Variants in JUP observed in about 807,000 individuals in gnomAD.
JUP encodes the protein junction plakoglobin, also known as catenin (cadherin-associated protein), gamma 80kDa.
Under a neutral mutation model 71.1 loss-of-function variants are expected in JUP, and 28 were observed. That is an observed-to-expected ratio of 0.39 (90% CI 0.29 to 0.54). The LOEUF (loss-of-function observed/expected upper bound fraction) is 0.54, where lower values mean the gene tolerates loss of function less well. JUP is among the 20% of genes least tolerant of loss of function. JUP has a pLI of 0.62. For missense variants in JUP, 869 were observed against 1,030.1 expected, an observed-to-expected ratio of 0.84 and a Z score of 2.14; for synonymous variants, 401 against 438.9, an observed-to-expected ratio of 0.91 and a Z score of 1.08.
intron 7 of JUP, 35 bp downstream of exon 7, chr17:41,764,677 GA>G: frequency 6.4e-7 from 1 of 1,566,844 alleles, no homozygotes; most frequent in South Asian, 1.1e-5. Flanking sequence ...TGGGGCAGCT[GA>G]AGAGGTCAAC....
intron 7 of JUP, among the ~76,000 whole-genome samples, chr17:41,764,308 G>A (rs1915338436): frequency 6.6e-6 from 1 of 152,166 alleles, no homozygotes; most frequent in Non-Finnish European, 1.5e-5. Flanking sequence ...GCCAAGGCGG[G>A]TGGATCACCT....
intron 2 of JUP, among the ~76,000 whole-genome samples, chr17:41,771,220 C>T (rs572389371): frequency 8.5e-5 from 13 of 152,132 alleles, no homozygotes; most frequent in Non-Finnish European, 1.6e-4. Flanking sequence ...TTAGTAGAGA[C>T]GGGGTTTCAT....
chr17:41,771,657 G>A lies in JUP; in HGVS notation c.198C>T (p.Pro66=). Residue 66 remains proline, a synonymous_variant, in exon 2 of 14, where the codon CCC becomes CCT. Transcript: ENST00000393931. ...CCCAGGGGTCCTGACCTTGGCTGGG[G>A]GGCACCCCCTGGGTGTAAGTGGTGG... ...KKTTTYTQGV[P]PSQGDLEYQM... is the part of the protein sequence containing the mutation. 1 of 1,613,264 alleles carries A rather than the reference G, an allele frequency of 6.2e-7. No individual in the cohort carries two copies. Among genetic ancestry groups the A allele is most frequent in the African/African-American group, 1.3e-5 (1 of 75,024 alleles).
chr17:41,772,065 A>G lies in JUP; in HGVS notation c.-8-203T>C, dbSNP rs926623227. ...GCTGCCCACGACGAGATACCCTGGG[A>G]GCAGTGAGCCCCAGGGGTGCGGCTG... On this transcript the variant is annotated intron_variant, in intron 1 of 13. Coordinates refer to ENST00000393931, the MANE Select transcript of JUP (RefSeq NM_002230.4). 10 of 657,960 alleles carry G rather than the reference A, an allele frequency of 1.5e-5. No individual in the cohort carries two copies. In the African/African-American group the frequency reaches 1.8e-4, roughly 12 times the overall value. 40.8% of individuals were successfully genotyped at this position (657,960 alleles called of 1,614,324 possible).
intron 13 of JUP, 22 bp from the exon 14 acceptor site, chr17:41,755,917 C>G: frequency 1.3e-6 from 2 of 1,598,600 alleles, no homozygotes; most frequent in Non-Finnish European, 1.7e-6. Flanking sequence ...AAGTGGGGCT[C>G]GGTCCTAGGG....
intron 5 of JUP, 62 bp downstream of exon 5, chr17:41,767,317 T>C (rs1555604439): frequency 1.4e-6 from 2 of 1,419,024 alleles, no homozygotes; most frequent in Admixed American, 1.7e-5. Flanking sequence ...CCCAAGGCTG[T>C]GCAGGATAGA....
intron 5 of JUP, among the ~76,000 whole-genome samples, chr17:41,766,388 G>C (rs1383763367): frequency 1.3e-5 from 2 of 152,082 alleles, no homozygotes; most frequent in Non-Finnish European, 2.9e-5. Flanking sequence ...TTATTAGAGG[G>C]TGGTTTTGAG....
chr17:41,760,840 C>T (rs1180928348), intron 8 of JUP, among the ~76,000 whole-genome samples: 2 of 152,142 alleles, frequency 1.3e-5, no homozygotes, highest in Non-Finnish European at 1.5e-5. Context: ...GGATTACAGG[C>T]GTGAGCCACT....
intron 4 of JUP, among the ~76,000 whole-genome samples, chr17:41,768,710 C>A (rs1555604981): frequency 6.6e-6 from 1 of 152,224 alleles, no homozygotes; most frequent in African/African-American, 2.4e-5. Flanking sequence ...TCTGTCAATC[C>A]CCTGCCATTA....
intron 1 of JUP, among the ~76,000 whole-genome samples, chr17:41,774,416 C>T (rs1555608031): frequency 1.3e-5 from 2 of 152,052 alleles, no homozygotes; most frequent in East Asian, 3.9e-4. Context: ...TCACTGCAAC[C>T]TCCACCTCCT....
intron 8 of JUP, among the ~76,000 whole-genome samples, chr17:41,762,670 G>A (rs1028760808): frequency 6.6e-6 from 1 of 152,048 alleles, no homozygotes; most frequent in African/African-American, 2.4e-5. Context: ...CAAAGTGTTG[G>A]GATTACAGGC....
Position 41,771,708 on chromosome 17 carries a change from G to A in JUP, c.147C>T (p.Cys49=), listed in dbSNP as rs200001999. The A allele has an allele frequency of 1.2e-5, 20 of 1,614,128 alleles. No individual in the cohort carries two copies. The highest frequency in any genetic ancestry group is 1.7e-4 in the Middle Eastern group (1 of 6,048). ...TTTTCTTGAGCGTGTACTGGCGCCCGCAGGCCTCATCCTCCTCCATGATGC... is the reference window on the plus strand; with the variant it reads ...TTTTCTTGAGCGTGTACTGGCGCCCACAGGCCTCATCCTCCTCCATGATGC... The part of the protein sequence containing the change: ...SKGIMEEDEA[C]GRQYTLKKTT... The change falls in exon 2 of 14, where the codon TGC becomes TGT. Residue 49 remains cysteine, a synonymous_variant. Coordinates refer to ENST00000393931, the MANE Select transcript of JUP (RefSeq NM_002230.4).
chr17:41,771,029 C>CT (rs1483207411), intron 2 of JUP, among the ~76,000 whole-genome samples: 11 of 152,066 alleles, frequency 7.2e-5, no homozygotes, highest in African/African-American at 2.2e-4. Flanking sequence ...TCATCAGACT[C>CT]TTTTTTTTAC....
chr17:41,758,643 T>G, intron 9 of JUP, 72 bp downstream of exon 9: 1 of 1,583,424 alleles, frequency 6.3e-7, no homozygotes, highest in Non-Finnish European at 8.6e-7. Flanking sequence ...GACCTCCCCA[T>G]TCACACACAC....
At chr17:41,781,163 A>G (rs1295162167) in intron 1 of JUP, among the ~76,000 whole-genome samples, 2 of 148,166 alleles carry the variant, frequency 1.3e-5, no homozygotes, top group Non-Finnish European at 3.0e-5. Flanking sequence ...CCTGGGCGAC[A>G]GAGTGAGTGA....
At chr17:41,775,119 A>C (rs948727433) in intron 1 of JUP, among the ~76,000 whole-genome samples, 1 of 152,012 alleles carries the variant, frequency 6.6e-6, no homozygotes, top group Non-Finnish European at 1.5e-5. Context: ...AAAAAAAAAA[A>C]AGAGTCCCAG....
Position 41,755,667 on chromosome 17 carries a change from G to A in JUP, c.*77C>T. 1 of 1,368,056 alleles carries A rather than the reference G, an allele frequency of 7.3e-7. No individual in the cohort carries two copies. The highest frequency in any genetic ancestry group is 9.8e-7 in the Non-Finnish European group (1 of 1,020,436). The allele number at this position is 1,368,056 out of a possible 1,614,324, so 84.7% of individuals were successfully genotyped here. ...GAGCGCAGGTTTCAGCGGGGAGATG[G>A]GAGGGCCTCCAACAGAAGGAGGTTC... On this transcript the variant is annotated 3_prime_UTR_variant, in exon 14 of 14. Coordinates refer to ENST00000393931, the MANE Select transcript of JUP (RefSeq NM_002230.4).
chr17:41,774,189 C>A (rs1268822415), intron 1 of JUP, among the ~76,000 whole-genome samples: 1 of 143,488 alleles, frequency 7.0e-6, no homozygotes, highest in Non-Finnish European at 1.5e-5. Context: ...CTGCTGAGGG[C>A]TAGACAGCTA....
chr17:41,766,384 G>GT (rs1915717277), intron 5 of JUP, among the ~76,000 whole-genome samples: 1 of 152,146 alleles, frequency 6.6e-6, no homozygotes, highest in South Asian at 2.1e-4. Flanking sequence ...GTCATTATTA[G>GT]AGGGTGGTTT....
Sources: allele counts gnomAD v4.1 joint callset (sites outside exome capture counted in the v4.1 genomes callset), GRCh38; gene constraint gnomAD v4.1.1; transcripts MANE v1.5; gene names NCBI Gene and HGNC (gene_info 2026-07-23, HGNC 2026-07-21).